VWA8: variants seen among roughly 807,000 people sequenced by gnomAD.
VWA8 encodes von Willebrand factor A domain-containing protein 8.
A neutral mutation model predicts 241.5 loss-of-function variants in VWA8; 221 were observed. The ratio of observed to expected loss-of-function variants is 0.91; its 90% CI spans 0.82 to 1.02. The LOEUF is 1.02. Among genes scored for constraint, VWA8 ranks in the 50% least tolerant of loss-of-function variants. VWA8 has a pLI of 0.00. For synonymous variants in VWA8, 852 were observed against 827.1 expected, an observed-to-expected ratio of 1.03 and a Z score of -0.52; for missense variants, 2,322 against 2,328.7, an observed-to-expected ratio of 1.00 and a Z score of 0.06.
chr13:41,698,423 G>A (rs2045228584), intron 29 of VWA8, among the ~76,000 whole-genome samples: 1 of 152,038 alleles, frequency 6.6e-6, no homozygotes, highest in Admixed American at 6.6e-5. Flanking sequence ...TGTTTTGTTT[G>A]GAATTATTTT....
chr13:41,931,266 C>A (rs1177428433), intron 2 of VWA8, among the ~76,000 whole-genome samples: 5 of 116,970 alleles, frequency 4.3e-5, no homozygotes, highest in Non-Finnish European at 8.7e-5. Flanking sequence ...GAGAAATAAA[C>A]CAGACCCAGG....
At position 41,847,803 on chromosome 13, in the gene VWA8, T is replaced by C. The variant is rs529104844; in HGVS notation, c.1426-14272A>G. Among the ~76,000 whole-genome samples the C allele has an allele frequency of 5.9e-5, 9 of 152,260 alleles. No homozygotes were observed. The East Asian group carries it at 1.5e-3, about 26-fold the overall frequency. On this transcript the variant is annotated intron_variant, in intron 12 of 44. Coordinates refer to ENST00000379310, the MANE Select transcript of VWA8 (RefSeq NM_015058.2). ...CATTGACAGATTCTAATCAGGGAAA[T>C]GAAAAGATCTGATTTACATTCTTAA...
At chr13:41,943,275 G>A (rs1877684043) in intron 2 of VWA8, among the ~76,000 whole-genome samples, 1 of 152,050 alleles carries the variant, frequency 6.6e-6, no homozygotes. Context: ...GAACAAAATA[G>A]AGAATTATCA....
At chr13:41,941,367 T>C (rs1292696020) in intron 2 of VWA8, among the ~76,000 whole-genome samples, 3 of 152,226 alleles carry the variant, frequency 2.0e-5, no homozygotes, top group Non-Finnish European at 4.4e-5. Context: ...TGACTAATGC[T>C]ATCCTCTGTT....
chr13:41,763,944 G>A (rs949011634), intron 20 of VWA8, among the ~76,000 whole-genome samples: 1 of 152,066 alleles, frequency 6.6e-6, no homozygotes, highest in Non-Finnish European at 1.5e-5. Flanking sequence ...TTAAATGCTG[G>A]AGTCTCCAGA....
At chr13:41,655,174 CCGCCCCCTGGGTTCA>C (rs1300062793) in intron 37 of VWA8, among the ~76,000 whole-genome samples, 1 of 151,694 alleles carries the variant, frequency 6.6e-6, no homozygotes, top group Non-Finnish European at 1.5e-5. Context: ...ACTGCAACCT[CCGCCCCCTGGGTTCA>C]AGCAATTCTC....
intron 24 of VWA8, 53 bp from the exon 25 acceptor site, chr13:41,721,628 C>A: frequency 6.5e-7 from 1 of 1,535,298 alleles, no homozygotes; most frequent in South Asian, 1.3e-5. Flanking sequence ...ATTACGATGT[C>A]ACAGGAAAAA....
intron 40 of VWA8, among the ~76,000 whole-genome samples, chr13:41,598,565 C>A (rs903740339): frequency 6.6e-6 from 1 of 151,940 alleles, no homozygotes; most frequent in African/African-American, 2.4e-5. Flanking sequence ...AGTATTTATA[C>A]AAATATATAT....
intron 42 of VWA8, among the ~76,000 whole-genome samples, chr13:41,583,947 G>GT (rs2044400850): frequency 6.6e-6 from 1 of 152,140 alleles, no homozygotes; most frequent in Non-Finnish European, 1.5e-5. Context: ...TGGTATTGAA[G>GT]TTTTTTAGAG....
intron 12 of VWA8, among the ~76,000 whole-genome samples, chr13:41,863,455 T>TATACA (rs1566485517): frequency 4.6e-5 from 4 of 87,154 alleles, no homozygotes; most frequent in East Asian, 3.2e-4. Context: ...ATATATATAT[T>TATACA]CACACACACA....
At chr13:41,701,183 A>G (rs2045246886) in intron 28 of VWA8, among the ~76,000 whole-genome samples, 1 of 152,196 alleles carries the variant, frequency 6.6e-6, no homozygotes. Flanking sequence ...ATATGCATAC[A>G]AACTCAGGAG....
At chr13:41,587,934 C>T (rs879900162) in intron 41 of VWA8, among the ~76,000 whole-genome samples, 2 of 152,208 alleles carry the variant, frequency 1.3e-5, no homozygotes, top group Admixed American at 1.3e-4. Context: ...AAAGCTCACT[C>T]TAGTAAAGTT....
intron 1 of VWA8, among the ~76,000 whole-genome samples, chr13:41,952,832 G>C (rs1878196945): frequency 6.6e-6 from 1 of 151,992 alleles, no homozygotes; most frequent in Non-Finnish European, 1.5e-5. Flanking sequence ...AGTACAAAAA[G>C]GGAACTATTT....
intron 43 of VWA8, among the ~76,000 whole-genome samples, chr13:41,573,767 GCCACCATGC>G (rs1193828724): frequency 6.6e-6 from 1 of 151,514 alleles, no homozygotes; most frequent in Non-Finnish European, 1.5e-5. Context: ...GCGGGTGCCC[GCCACCATGC>G]CCAGCTAATT....
chr13:41,655,126 G>A (rs937001284), intron 37 of VWA8, among the ~76,000 whole-genome samples: 12 of 148,574 alleles, frequency 8.1e-5, no homozygotes, highest in African/African-American at 3.0e-4. Context: ...AGTCTCGCTC[G>A]TGGCCCAAGA....
chr13:41,899,255 T>C (rs1249386641), intron 4 of VWA8, among the ~76,000 whole-genome samples: 2 of 152,256 alleles, frequency 1.3e-5, no homozygotes, highest in Non-Finnish European at 2.9e-5. Context: ...AATTATTTAT[T>C]AATTTTACAC....
intron 16 of VWA8, among the ~76,000 whole-genome samples, chr13:41,814,546 T>A (rs1870607712): frequency 1.3e-5 from 2 of 152,168 alleles, no homozygotes; most frequent in Non-Finnish European, 2.9e-5. Flanking sequence ...GATGAGCAGC[T>A]TAGGGTCAGA....
chr13:41,828,930 C>A (rs1237237930), intron 14 of VWA8, among the ~76,000 whole-genome samples: 1 of 152,042 alleles, frequency 6.6e-6, no homozygotes, highest in Admixed American at 6.6e-5. Flanking sequence ...GTTGTTACAT[C>A]TCCACAAGAA....
chr13:41,678,402 C>A (rs1165970285), intron 35 of VWA8, among the ~76,000 whole-genome samples: 1 of 152,192 alleles, frequency 6.6e-6, no homozygotes, highest in African/African-American at 2.4e-5. Context: ...TAAGGTCAAT[C>A]TTGGATAAAG....
Sources: allele counts gnomAD v4.1 joint callset (sites outside exome capture counted in the v4.1 genomes callset), GRCh38; gene constraint gnomAD v4.1.1; transcripts MANE v1.5; gene names NCBI Gene and HGNC (gene_info 2026-07-23, HGNC 2026-07-21).